Variants in CBFB observed in about 807,000 individuals in gnomAD.
CBFB encodes the protein CBF-beta.
In CBFB, 9 loss-of-function variants were observed where a neutral mutation model predicts 30.4. That is an observed-to-expected ratio of 0.30 (90% CI 0.18 to 0.52). The LOEUF (loss-of-function observed/expected upper bound fraction) is 0.52. CBFB is among the 20% of genes least tolerant of loss of function. The pLI is 0.97. For missense variants in CBFB, 170 were observed against 244.0 expected, an observed-to-expected ratio of 0.70 and a Z score of 2.02; for synonymous variants, 94 against 84.0, an observed-to-expected ratio of 1.12 and a Z score of -0.65.
chr16:67,029,451 A>G lies in CBFB; in HGVS notation c.44A>G (p.Glu15Gly). The G allele has an allele frequency of 1.3e-6, 2 of 1,591,390 alleles. No individual in the cohort carries two copies. Residue 15 changes from glutamate to glycine, a missense_variant, in exon 1 of 6, where the codon GAG (glutamate) becomes GGG (glycine). Physicochemically the swap from Glu to Gly is moderately conservative, Grantham distance 98. Coordinates refer to ENST00000412916, the MANE Select transcript of CBFB (RefSeq NM_022845.3). ...GACCAGAGAAGCAAGTTCGAGAACG[A>G]GGAGTTTTTTAGGAAGCTGAGCCGC... ...VPDQRSKFEN[E>G]EFFRKLSREC... is the part of the protein sequence containing the mutation.
intron 3 of CBFB, among the ~76,000 whole-genome samples, chr16:67,062,065 C>A (rs887872676): frequency 6.6e-6 from 1 of 151,964 alleles, no homozygotes; most frequent in Admixed American, 6.6e-5. Context: ...TTTTCTGAAA[C>A]CATTTAGAAA....
intron 3 of CBFB, among the ~76,000 whole-genome samples, chr16:67,060,301 C>G (rs1597140456): frequency 1.3e-5 from 2 of 152,284 alleles, no homozygotes; most frequent in Admixed American, 6.5e-5. Flanking sequence ...CATTGAGATA[C>G]AATTCACATA....
At chr16:67,038,997 G>A (rs1172683426) in intron 3 of CBFB, among the ~76,000 whole-genome samples, 1 of 152,148 alleles carries the variant, frequency 6.6e-6, no homozygotes, top group Admixed American at 6.6e-5. Context: ...GATGTTTTTA[G>A]TTATATGACC....
At chr16:67,031,508 A>C (rs931769193) in intron 2 of CBFB, among the ~76,000 whole-genome samples, 1 of 152,120 alleles carries the variant, frequency 6.6e-6, no homozygotes, top group Non-Finnish European at 1.5e-5. Context: ...TTGTACTCTC[A>C]CTGTTTGCTT....
chr16:67,029,611 CG>C, intron 1 of CBFB, 115 bp from the exon 2 acceptor site: 1 of 1,312,372 alleles, frequency 7.6e-7, no homozygotes, highest in Non-Finnish European at 1.0e-6. Context: ...GCAATCTCGC[CG>C]GGGCGGCCAT....
intron 3 of CBFB, among the ~76,000 whole-genome samples, chr16:67,051,142 T>C (rs1239247305): frequency 2.6e-5 from 4 of 151,728 alleles, no homozygotes; most frequent in Non-Finnish European, 5.9e-5. Context: ...AGGAATTCTT[T>C]TAAGTTATTT....
chr16:67,071,247 A>G (rs1388658508), intron 4 of CBFB, among the ~76,000 whole-genome samples: 1 of 152,330 alleles, frequency 6.6e-6, no homozygotes, highest in East Asian at 1.9e-4. Context: ...ACCAGCTCTC[A>G]TGAACTGAAT....
At chr16:67,030,843 C>G (rs778758466) in intron 2 of CBFB, among the ~76,000 whole-genome samples, 66 of 152,184 alleles carry the variant, frequency 4.3e-4, no homozygotes, top group African/African-American at 1.6e-3. Flanking sequence ...ATCCGCCCTC[C>G]TCGACCTCCC....
intron 3 of CBFB, among the ~76,000 whole-genome samples, chr16:67,059,873 T>G (rs1408005171): frequency 6.6e-6 from 1 of 152,184 alleles, no homozygotes; most frequent in Non-Finnish European, 1.5e-5. Flanking sequence ...GAATCCCATA[T>G]GTAACTGCCT....
At chr16:67,084,736 A>G (rs769168541) in intron 5 of CBFB, among the ~76,000 whole-genome samples, 2 of 152,132 alleles carry the variant, frequency 1.3e-5, no homozygotes, top group South Asian at 2.1e-4. Flanking sequence ...TATGTACACT[A>G]TTGTTTAAAT....
chr16:67,092,122 C>T (rs928296865), intron 5 of CBFB, among the ~76,000 whole-genome samples: 2 of 152,032 alleles, frequency 1.3e-5, no homozygotes, highest in African/African-American at 2.4e-5. Flanking sequence ...TGATGTTCCC[C>T]TCCCTGTGTC....
intron 5 of CBFB, among the ~76,000 whole-genome samples, chr16:67,089,735 A>T (rs1368523784): frequency 1.3e-5 from 2 of 152,142 alleles, no homozygotes; most frequent in Admixed American, 1.3e-4. Flanking sequence ...AGGACTCTGG[A>T]TGTAGTGGAA....
chr16:67,036,459 G>A (rs1181677257), intron 2 of CBFB, 180 bp from the exon 3 acceptor site: 1 of 525,142 alleles, frequency 1.9e-6, no homozygotes, highest in Non-Finnish European at 3.4e-6. Flanking sequence ...TCCTCAAAAT[G>A]GAATCAGATG....
intron 5 of CBFB, among the ~76,000 whole-genome samples, chr16:67,094,158 T>C (rs900237347): frequency 1.3e-5 from 2 of 148,650 alleles, no homozygotes; most frequent in Non-Finnish European, 3.0e-5. Context: ...GGGATCTCAC[T>C]ATGTTGGCCG....
chr16:67,086,746 A>G (rs1961742748), intron 5 of CBFB, among the ~76,000 whole-genome samples: 1 of 152,202 alleles, frequency 6.6e-6, no homozygotes, highest in South Asian at 2.1e-4. Flanking sequence ...TGTATTCTGC[A>G]TTAGGGACTG....
intron 4 of CBFB, among the ~76,000 whole-genome samples, chr16:67,067,152 G>A (rs912493682): frequency 6.6e-6 from 1 of 151,484 alleles, no homozygotes; most frequent in Non-Finnish European, 1.5e-5. Context: ...GAATGCTTGA[G>A]TGAGGAGCTC....
At chr16:67,042,514 C>A (rs544941371) in intron 3 of CBFB, among the ~76,000 whole-genome samples, 25 of 152,290 alleles carry the variant, frequency 1.6e-4, no homozygotes, top group African/African-American at 5.8e-4. Context: ...TCAGTCACCC[C>A]CCCAAAGGTT....
chr16:67,090,229 G>A (rs751905842), intron 5 of CBFB, among the ~76,000 whole-genome samples: 6 of 152,048 alleles, frequency 3.9e-5, no homozygotes, highest in Admixed American at 6.6e-5. Flanking sequence ...GGGTGTGTTC[G>A]CTTTGTGAAA....
At chr16:67,082,142 A>AG in intron 4 of CBFB, 71 bp from the exon 5 acceptor site, 2 of 1,322,286 alleles carry the variant, frequency 1.5e-6, no homozygotes, top group East Asian at 5.2e-5. Context: ...AAAAAAAAAA[A>AG]AAACAAAACC....
Sources: gnomAD v4.1 joint callset for allele counts (sites outside exome capture counted in the v4.1 genomes callset) on GRCh38, gnomAD v4.1.1 for gene constraint, MANE v1.5 for transcripts, NCBI Gene and HGNC (gene_info 2026-07-23, HGNC 2026-07-21) for gene names.